The following SHISA9 variants were observed in gnomAD, a reference collection of about 807,000 sequenced individuals.
The protein encoded by SHISA9 is shisa family member 9.
SHISA9 carries 13 observed loss-of-function variants against 38.0 expected under a neutral mutation model. That is an observed-to-expected ratio of 0.34 (90% CI 0.22 to 0.54). The LOEUF (loss-of-function observed/expected upper bound fraction) is 0.54. Ranked by LOEUF, SHISA9 falls within the 20% of genes least tolerant of loss-of-function variation. The pLI is 0.91. For missense variants in SHISA9, 538 were observed against 575.8 expected (o/e 0.93, Z 0.67); for synonymous variants, 275 against 242.0 (o/e 1.14, Z -1.27).
the SHISA9 span, among the ~76,000 whole-genome samples, chr16:13,344,560 C>A: frequency 6.6e-6 from 1 of 152,030 alleles, no homozygotes; most frequent in African/African-American, 2.4e-5. Flanking sequence ...GCATCTGCCA[C>A]CAAATAGAAT....
At chr16:13,433,022 G>A in the SHISA9 span, among the ~76,000 whole-genome samples, 1 of 151,092 alleles carries the variant, frequency 6.6e-6, no homozygotes, top group African/African-American at 2.4e-5. Context: ...CATGACACAA[G>A]TTTAGCTAAG....
the SHISA9 span, among the ~76,000 whole-genome samples, chr16:13,365,902 C>T: frequency 2.6e-4 from 40 of 152,156 alleles, no homozygotes; most frequent in Middle Eastern, 0.01. Context: ...GGATTTGAAC[C>T]TTTGAAAAAA....
chr16:13,360,869 G>A, the SHISA9 span, among the ~76,000 whole-genome samples: 1 of 152,166 alleles, frequency 6.6e-6, no homozygotes, highest in Non-Finnish European at 1.5e-5. Flanking sequence ...CAGTTCCTCA[G>A]AGGGCTCCTG....
the SHISA9 span, among the ~76,000 whole-genome samples, chr16:13,306,132 T>C: frequency 6.6e-6 from 1 of 151,912 alleles, no homozygotes; most frequent in Non-Finnish European, 1.5e-5. Flanking sequence ...TGCTGCAAAC[T>C]ATGTTTTTTG....
At chr16:13,499,526 A>G in the SHISA9 span, among the ~76,000 whole-genome samples, 1 of 152,164 alleles carries the variant, frequency 6.6e-6, no homozygotes, top group African/African-American at 2.4e-5. Flanking sequence ...AAAAGCCAGC[A>G]TTTGTCTCTG....
At chr16:13,326,188 C>T in the SHISA9 span, among the ~76,000 whole-genome samples, 1 of 152,026 alleles carries the variant, frequency 6.6e-6, no homozygotes, top group East Asian at 1.9e-4. Flanking sequence ...TTCCCCTATT[C>T]AGGCCCACCC....
At chr16:13,489,505 T>A in the SHISA9 span, among the ~76,000 whole-genome samples, 1 of 152,190 alleles carries the variant, frequency 6.6e-6, no homozygotes, top group Non-Finnish European at 1.5e-5. Context: ...CCACGTGTTG[T>A]GAGAGGGATC....
chr16:13,316,012 A>C, the SHISA9 span, among the ~76,000 whole-genome samples: 11 of 151,666 alleles, frequency 7.3e-5, no homozygotes, highest in African/African-American at 2.7e-4. Flanking sequence ...GTGTCATTAC[A>C]ATTAAAAAAA....
chr16:13,006,114 T>C (rs1464511620), intron 2 of SHISA9, among the ~76,000 whole-genome samples: 3 of 152,188 alleles, frequency 2.0e-5, no homozygotes, highest in Admixed American at 6.6e-5. Flanking sequence ...GATGAGCTTT[T>C]ATTAGCTAAC....
chr16:13,480,743 G>A, the SHISA9 span, among the ~76,000 whole-genome samples: 7 of 150,166 alleles, frequency 4.7e-5, no homozygotes, highest in South Asian at 2.1e-4. Context: ...TGAGAATGGC[G>A]CAAGAAAACA....
intron 2 of SHISA9, among the ~76,000 whole-genome samples, chr16:12,925,992 C>T (rs1336568916): frequency 1.3e-5 from 2 of 152,154 alleles, no homozygotes; most frequent in East Asian, 1.9e-4. Context: ...TCCCAAAGTG[C>T]TGGGATTACA....
In SHISA9 at chr16:13,021,096, A is replaced by G. The variant is rs184987533; in HGVS notation, c.691+104281A>G. On this transcript the variant is annotated intron_variant, in intron 2 of 4. Transcript: ENST00000558583. ...TGGCTATTCAACTTTATGGACGGCA[A>G]TAGCTATATGGTCCTGCTGTCTCCT... Among the ~76,000 whole-genome samples the G allele has an allele frequency of 1.1e-4, 17 of 152,286 alleles. No homozygotes were observed. In the East Asian group the frequency reaches 2.9e-3, roughly 26 times the overall value.
the SHISA9 span, among the ~76,000 whole-genome samples, chr16:13,456,188 G>A: frequency 4.6e-5 from 7 of 152,266 alleles, no homozygotes; most frequent in East Asian, 1.9e-4. Context: ...GAATGACTTC[G>A]TCACTATGTC....
chr16:13,526,486 C>T, the SHISA9 span, among the ~76,000 whole-genome samples: 65 of 152,240 alleles, frequency 4.3e-4, no homozygotes, highest in African/African-American at 1.3e-3. Flanking sequence ...TGGGTTCAAG[C>T]GATTCTCCTG....
intron 2 of SHISA9, among the ~76,000 whole-genome samples, chr16:12,986,634 G>T (rs1349722832): frequency 6.6e-6 from 1 of 152,158 alleles, no homozygotes; most frequent in East Asian, 1.9e-4. Context: ...CAGAGTCAGG[G>T]AATCAGACTG....
At chr16:13,561,089 C>T in the SHISA9 span, among the ~76,000 whole-genome samples, 3 of 152,136 alleles carry the variant, frequency 2.0e-5, no homozygotes, top group African/African-American at 7.2e-5. Context: ...GTCTCGAACT[C>T]CTGACCTCAG....
chr16:13,539,265 G>A, the SHISA9 span, among the ~76,000 whole-genome samples: 7 of 135,064 alleles, frequency 5.2e-5, no homozygotes, highest in Non-Finnish European at 9.7e-5. Flanking sequence ...AAGTAGCTGG[G>A]ACCACAGGTG....
intron 2 of SHISA9, among the ~76,000 whole-genome samples, chr16:12,918,376 G>T (rs1214900468): frequency 1.3e-5 from 2 of 152,088 alleles, no homozygotes; most frequent in African/African-American, 2.4e-5. Context: ...AAATTGAAAG[G>T]GTGTCAAGTC....
At position 13,212,603 on chromosome 16, in the gene SHISA9, G is replaced by C. The variant is rs537615882; in HGVS notation, c.848-650G>C. Among the ~76,000 whole-genome samples, 262 of 152,230 alleles carry C rather than the reference G, an allele frequency of 1.7e-3. 2 individuals carry two copies. The highest frequency in any genetic ancestry group is 5.8e-3 in the African/African-American group (240 of 41,530). On this transcript the variant is annotated intron_variant, in intron 3 of 4. Transcript: ENST00000558583. The stretch of plus-strand genomic sequence containing the variant: ...ATTCTCAGATAACAAGCTTGATCTC[G>C]TTACCGTTTAGAATTTCCCTACCTT...
Sources: allele counts gnomAD v4.1 joint callset (sites outside exome capture counted in the v4.1 genomes callset), GRCh38; gene constraint gnomAD v4.1.1; transcripts MANE v1.5; gene names NCBI Gene and HGNC (gene_info 2026-07-23, HGNC 2026-07-21).